Variants in INPP4B observed in about 807,000 individuals in gnomAD.
The protein encoded by INPP4B is inositol polyphosphate-4-phosphatase type II B.
In INPP4B, 55 loss-of-function variants were observed where a neutral mutation model predicts 122.5. The ratio of observed to expected loss-of-function variants is 0.45; its 90% CI spans 0.36 to 0.56. The LOEUF (loss-of-function observed/expected upper bound fraction) is 0.56. Among genes scored for constraint, INPP4B ranks in the 20% least tolerant of loss-of-function variants. The pLI, the probability that INPP4B is intolerant of heterozygous loss-of-function variation, is 0.00. For synonymous variants in INPP4B, 403 were observed against 388.7 expected, an observed-to-expected ratio of 1.04 and a Z score of -0.43; for missense variants, 1,000 against 1,097.7, an observed-to-expected ratio of 0.91 and a Z score of 1.26.
chr4:142,097,947 T>C (rs1486268582), intron 23 of INPP4B, among the ~76,000 whole-genome samples: 1 of 152,114 alleles, frequency 6.6e-6, no homozygotes, highest in Non-Finnish European at 1.5e-5. Context: ...TACATTCTGG[T>C]AAGGAGTCCT....
chr4:142,038,835 T>C (rs542601997), intron 25 of INPP4B, among the ~76,000 whole-genome samples: 2 of 152,312 alleles, frequency 1.3e-5, no homozygotes, highest in South Asian at 2.1e-4. Context: ...TGTCCTATCA[T>C]GCAATACGAC....
In INPP4B at chr4:142,611,230, G is replaced by C. The variant is rs1309841529; in HGVS notation, c.-191+114609C>G. On this transcript the variant is annotated intron_variant, in intron 2 of 25. Transcript: ENST00000262992. ...TCTTGCAAGAACTGACTTACTCTCA[G>C]GAGAACAGCACCAAGGGATGGTGCT... 2.6e-5 allele frequency among the ~76,000 whole-genome samples: 4 copies of C among 152,104 alleles called. No homozygotes were observed. In the East Asian group the frequency reaches 7.7e-4, roughly 29 times the overall value.
At chr4:142,596,220 G>A (rs1190465644) in intron 2 of INPP4B, among the ~76,000 whole-genome samples, 2 of 151,996 alleles carry the variant, frequency 1.3e-5, no homozygotes, top group Admixed American at 6.6e-5. Context: ...CTTCCACTTA[G>A]TCCATTAAAG....
At chr4:142,607,828 G>A (rs1183832181) in intron 2 of INPP4B, among the ~76,000 whole-genome samples, 1 of 152,028 alleles carries the variant, frequency 6.6e-6, no homozygotes, top group Admixed American at 6.6e-5. Context: ...AGCCTGCTAG[G>A]GATGAAGAAA....
intron 1 of INPP4B, among the ~76,000 whole-genome samples, chr4:142,836,430 G>C (rs75578396): frequency 1.3e-5 from 2 of 151,912 alleles, no homozygotes; most frequent in African/African-American, 4.8e-5. Flanking sequence ...GTGTGTGTGC[G>C]CGCGTGTGTG....
intron 7 of INPP4B, among the ~76,000 whole-genome samples, chr4:142,383,625 A>C (rs567706789): frequency 1.3e-5 from 2 of 152,296 alleles, no homozygotes; most frequent in African/African-American, 4.8e-5. Flanking sequence ...ATGATGCTTA[A>C]AAATGAAACT....
rs78864870 is a variant in INPP4B, at chr4:142,275,115, C to T, written c.504-4341G>A. 1.4e-3 allele frequency among the ~76,000 whole-genome samples: 210 copies of T among 151,836 alleles called. 1 individual carries two copies. The highest frequency in any genetic ancestry group is 0.012 in the East Asian group (62 of 5,172). ...CTTCCTAATGAAATATTCAATCTCACATGCTGGAACACATTAATATTTTTA... is the reference window on the plus strand; with the variant it reads ...CTTCCTAATGAAATATTCAATCTCATATGCTGGAACACATTAATATTTTTA... On this transcript the variant is annotated intron_variant, in intron 9 of 25. Transcript: ENST00000262992.
intron 3 of INPP4B, among the ~76,000 whole-genome samples, chr4:142,441,040 AG>A (rs1811594895): frequency 6.6e-6 from 1 of 151,952 alleles, no homozygotes; most frequent in Non-Finnish European, 1.5e-5. Flanking sequence ...CGGAGATCAG[AG>A]AAAAAGCTTG....
intron 2 of INPP4B, among the ~76,000 whole-genome samples, chr4:142,657,155 T>A (rs973034444): frequency 1.3e-5 from 2 of 151,972 alleles, no homozygotes; most frequent in Non-Finnish European, 2.9e-5. Context: ...TAAAAAGAGC[T>A]CTAATTAATT....
chr4:142,066,608 C>T (rs955405904), intron 25 of INPP4B, among the ~76,000 whole-genome samples: 1 of 152,294 alleles, frequency 6.6e-6, no homozygotes, highest in East Asian at 1.9e-4. Flanking sequence ...CCTGGAAAAT[C>T]GGGATACTCT....
chr4:142,070,167 C>T (rs567105643), intron 25 of INPP4B, among the ~76,000 whole-genome samples: 1,593 of 152,276 alleles, frequency 0.01, 29 homozygotes, highest in African/African-American at 0.037. Context: ...CCCTGGGATG[C>T]AAGGCTGGTT....
intron 7 of INPP4B, among the ~76,000 whole-genome samples, chr4:142,402,672 AAAC>A (rs941711615): frequency 4.6e-5 from 7 of 152,336 alleles, no homozygotes; most frequent in African/African-American, 9.6e-5. Context: ...ACTCTGCTGA[AAAC>A]AACAACAACA....
chr4:142,640,765 T>C (rs1263588779), intron 2 of INPP4B, among the ~76,000 whole-genome samples: 1 of 151,888 alleles, frequency 6.6e-6, no homozygotes, highest in East Asian at 1.9e-4. Context: ...CAAGGGACTT[T>C]GAAAAGCATT....
intron 5 of INPP4B, among the ~76,000 whole-genome samples, chr4:142,406,926 C>G (rs565535084): frequency 1.5e-4 from 23 of 152,282 alleles, no homozygotes; most frequent in African/African-American, 5.3e-4. Flanking sequence ...TCCTACCCCA[C>G]TGGCTTCATT....
intron 2 of INPP4B, among the ~76,000 whole-genome samples, chr4:142,545,636 A>G (rs1363743787): frequency 1.3e-5 from 2 of 151,206 alleles, no homozygotes; most frequent in Admixed American, 1.3e-4. Context: ...ATTTTCACAT[A>G]CTATTTTATC....
intron 21 of INPP4B, among the ~76,000 whole-genome samples, chr4:142,121,557 C>T (rs935062578): frequency 2.6e-5 from 4 of 152,058 alleles, no homozygotes; most frequent in African/African-American, 9.7e-5. Context: ...GTTCTACACA[C>T]CATCATTTTT....
At chr4:142,117,880 A>T (rs968282633) in intron 21 of INPP4B, among the ~76,000 whole-genome samples, 1 of 152,320 alleles carries the variant, frequency 6.6e-6, no homozygotes, top group African/African-American at 2.4e-5. Flanking sequence ...ACATGATTGT[A>T]TATCTAGAAA....
At chr4:142,810,125 G>A (rs900755208) in intron 1 of INPP4B, among the ~76,000 whole-genome samples, 7 of 147,994 alleles carry the variant, frequency 4.7e-5, no homozygotes, top group South Asian at 2.1e-4. Context: ...AGCCGAGATC[G>A]CGCCACTGTA....
At chr4:142,392,717 A>G (rs1798133779) in intron 7 of INPP4B, among the ~76,000 whole-genome samples, 1 of 152,240 alleles carries the variant, frequency 6.6e-6, no homozygotes, top group Admixed American at 6.5e-5. Context: ...GTTACACAAC[A>G]GACTTTAAAT....
Sources: gnomAD v4.1 joint callset for allele counts (sites outside exome capture counted in the v4.1 genomes callset) on GRCh38, gnomAD v4.1.1 for gene constraint, MANE v1.5 for transcripts, NCBI Gene and HGNC (gene_info 2026-07-23, HGNC 2026-07-21) for gene names.